SDK2: variants seen among roughly 807,000 people sequenced by gnomAD.
The protein encoded by SDK2 is protein sidekick-2.
A neutral mutation model predicts 253.9 loss-of-function variants in SDK2; 105 were observed. That is an observed-to-expected ratio of 0.41 (90% CI 0.35 to 0.49). The LOEUF is 0.49. Ranked by LOEUF, SDK2 falls within the 20% of genes least tolerant of loss-of-function variation. The probability of loss-of-function intolerance (pLI) is 0.06; values close to 1 mark genes in which losing one functional copy is unlikely to be tolerated. For synonymous variants in SDK2, 1,249 were observed against 1,234.9 expected, an observed-to-expected ratio of 1.01 and a Z score of -0.24; for missense variants, 2,608 against 3,003.0, an observed-to-expected ratio of 0.87 and a Z score of 3.07.
intron 1 of SDK2, among the ~76,000 whole-genome samples, chr17:73,583,893 T>C (rs887006182): frequency 2.6e-5 from 4 of 152,178 alleles, no homozygotes; most frequent in Non-Finnish European, 5.9e-5. Context: ...GAGCCTCAGT[T>C]TCCTCAACTG....
chr17:73,533,242 C>T (rs2064184459), intron 1 of SDK2, among the ~76,000 whole-genome samples: 1 of 152,228 alleles, frequency 6.6e-6, no homozygotes, highest in Non-Finnish European at 1.5e-5. Flanking sequence ...TCCTCAGCAT[C>T]CCTGGTCCCG....
At chr17:73,376,014 T>A (rs1458486493) in intron 36 of SDK2, among the ~76,000 whole-genome samples, 8 of 151,118 alleles carry the variant, frequency 5.3e-5, no homozygotes, top group Non-Finnish European at 1.0e-4. Context: ...GCCAACATGG[T>A]GAAACCCCGT....
At chr17:73,348,389 T>TC (rs1240868383) in intron 44 of SDK2, among the ~76,000 whole-genome samples, 1 of 152,162 alleles carries the variant, frequency 6.6e-6, no homozygotes, top group Non-Finnish European at 1.5e-5. Context: ...TGATCAAGGT[T>TC]CCCGGGACCC....
In SDK2 at chr17:73,402,251, C is replaced by G. The variant is rs76809473; in HGVS notation, c.2485-110G>C. On this transcript the variant is annotated intron_variant, in intron 18 of 44. Transcript: ENST00000392650. The stretch of plus-strand genomic sequence containing the variant: ...CAGATGGTGTCCGGGGACCGGAGTC[C>G]CTGTGGTGCCTCCTCCGAGGGAAGG... 3.2e-3 allele frequency: 3,628 copies of G among 1,140,992 alleles called. 99 individuals carry two copies. The East Asian group carries it at 0.058, about 18-fold the overall frequency. The allele number at this position is 1,140,992 out of a possible 1,614,324, so 70.7% of individuals were successfully genotyped here. A position where few individuals can be genotyped will look rare whatever the true frequency, so the allele number is the denominator to read the frequency against.
chr17:73,573,462 A>C (rs1346873921), intron 1 of SDK2, among the ~76,000 whole-genome samples: 1 of 152,116 alleles, frequency 6.6e-6, no homozygotes, highest in East Asian at 1.9e-4. Flanking sequence ...AGGCTTCTCC[A>C]TCTCAGGAAT....
intron 1 of SDK2, among the ~76,000 whole-genome samples, chr17:73,557,573 G>T (rs2045163489): frequency 6.6e-6 from 1 of 152,080 alleles, no homozygotes. Context: ...AAAGTGCTAG[G>T]ATTACAGGCA....
chr17:73,416,089 C>T (rs1378299970), intron 16 of SDK2, 97 bp from the exon 17 acceptor site: 4 of 1,138,748 alleles, frequency 3.5e-6, no homozygotes, highest in South Asian at 1.5e-5. Context: ...ATAGGACTTC[C>T]GGTGGTGGCG....
Position 73,481,913 on chromosome 17 carries a change from C to T in SDK2, c.225-9695G>A, listed in dbSNP as rs7406617. Among the ~76,000 whole-genome samples the T allele has an allele frequency of 0.22, 32,983 of 152,092 alleles. 4,211 individuals are homozygous for T. Among genetic ancestry groups the T allele is most frequent in the Admixed American group, 0.31 (4,706 of 15,270 alleles). ...ATGGGCCAAGTCCCATAACGAACCTCGTGCATCTGTCTCTCTCCCATTGCT... is the reference window on the plus strand; with the variant it reads ...ATGGGCCAAGTCCCATAACGAACCTTGTGCATCTGTCTCTCTCCCATTGCT... On this transcript the variant is annotated intron_variant, in intron 2 of 44. Transcript: ENST00000392650. This position sits in a 1 kb window ranked among gnomAD's most constrained non-coding sequence, Gnocchi z 4.5.
chr17:73,508,545 A>C (rs1421266985), intron 1 of SDK2, among the ~76,000 whole-genome samples: 1 of 152,222 alleles, frequency 6.6e-6, no homozygotes, highest in African/African-American at 2.4e-5. Flanking sequence ...AGGAGCCAGC[A>C]TCTGGTAACA....
chr17:73,363,129 G>A (rs892902769), intron 38 of SDK2, among the ~76,000 whole-genome samples: 2 of 152,200 alleles, frequency 1.3e-5, no homozygotes, highest in African/African-American at 4.8e-5. Context: ...TGTTGCCCAG[G>A]CTGGAGTGCA....
At chr17:73,568,087 G>A (rs891523698) in intron 1 of SDK2, among the ~76,000 whole-genome samples, 20 of 152,138 alleles carry the variant, frequency 1.3e-4, no homozygotes, top group Admixed American at 1.1e-3. Context: ...TGTGGAAACC[G>A]GATCCTAAAT....
chr17:73,585,102 G>C (rs1236738327), intron 1 of SDK2, among the ~76,000 whole-genome samples: 1 of 152,222 alleles, frequency 6.6e-6, no homozygotes, highest in African/African-American at 2.4e-5. Context: ...GCCTCACTGA[G>C]GCTGCTCAGA....
At chr17:73,411,956 A>G (rs1029146059) in intron 18 of SDK2, among the ~76,000 whole-genome samples, 27 of 92,110 alleles carry the variant, frequency 2.9e-4, no homozygotes, top group East Asian at 1.3e-3. Flanking sequence ...GTGTTTGTGT[A>G]TATATATATA....
At position 73,350,659 on chromosome 17, in the gene SDK2, T is replaced by TA; in HGVS notation, c.5889_5890insT (p.Thr1964TyrfsTer22). The TA allele has an allele frequency of 6.2e-7, 1 of 1,610,710 alleles. No homozygotes were observed. The highest frequency in any genetic ancestry group is 1.3e-5 in the African/African-American group (1 of 74,666). On this transcript the variant is annotated frameshift_variant, in exon 42 of 45. Coordinates refer to ENST00000392650, the MANE Select transcript of SDK2 (RefSeq NM_001144952.2). LOFTEE classifies it high-confidence loss of function. The stretch of plus-strand genomic sequence containing the variant: ...GTGCCAGCTCACTCACCCGAGTCTG[T>TA]CTTCTTGGCGTACTTCTTGCTCTGG...
At chr17:73,636,147 AAG>A (rs2046327016) in intron 1 of SDK2, among the ~76,000 whole-genome samples, 2 of 152,138 alleles carry the variant, frequency 1.3e-5, no homozygotes, top group Non-Finnish European at 2.9e-5. Flanking sequence ...GAGCAGTGGA[AAG>A]AGGACAGATG....
chr17:73,552,678 G>A (rs1439885302), intron 1 of SDK2, among the ~76,000 whole-genome samples: 2 of 152,206 alleles, frequency 1.3e-5, no homozygotes, highest in Non-Finnish European at 2.9e-5. Context: ...GGATACGGGG[G>A]AACAGGATTT....
At chr17:73,434,563 C>T (rs2063352844) in intron 9 of SDK2, among the ~76,000 whole-genome samples, 1 of 152,228 alleles carries the variant, frequency 6.6e-6, no homozygotes, top group African/African-American at 2.4e-5. Flanking sequence ...CTGAACATCC[C>T]CATTCTTCCT....
intron 18 of SDK2, among the ~76,000 whole-genome samples, chr17:73,405,084 AG>A (rs1278927665): frequency 1.3e-5 from 2 of 150,488 alleles, no homozygotes; most frequent in African/African-American, 4.9e-5. Flanking sequence ...TCCCTGGTGG[AG>A]GCAGTACTCT....
chr17:73,412,771 A>G (rs1308741401), intron 18 of SDK2, among the ~76,000 whole-genome samples: 1 of 152,156 alleles, frequency 6.6e-6, no homozygotes, highest in African/African-American at 2.4e-5. Flanking sequence ...CAAAAAAATT[A>G]GCCAGACATG....
Sources: gnomAD v4.1 joint callset for allele counts (sites outside exome capture counted in the v4.1 genomes callset) on GRCh38, gnomAD v4.1.1 for gene constraint, Gnocchi (gnomAD v3.1) non-coding constraint, MANE v1.5 for transcripts, NCBI Gene and HGNC (gene_info 2026-07-23, HGNC 2026-07-21) for gene names.